DNAH10: variants seen among roughly 807,000 people sequenced by gnomAD.
The protein encoded by DNAH10 is dynein axonemal heavy chain 10, also known as axonemal beta dynein heavy chain 10.
A neutral mutation model predicts 506.6 loss-of-function variants in DNAH10; 348 were observed. That is an observed-to-expected ratio of 0.69 (90% CI 0.63 to 0.75). The LOEUF is 0.75. Ranked by LOEUF, DNAH10 falls within the 30% of genes least tolerant of loss-of-function variation. The pLI is 0.00. For synonymous variants in DNAH10, 2,059 were observed against 2,198.6 expected (o/e 0.94, Z 1.78); for missense variants, 5,179 against 5,787.1 (o/e 0.89, Z 3.41).
chr12:123,855,255 A>G (rs142035789), intron 36 of DNAH10, among the ~76,000 whole-genome samples: 6 of 152,264 alleles, frequency 3.9e-5, no homozygotes, highest in East Asian at 1.9e-4. Context: ...AAGCAGGACT[A>G]CCTGTCCTAG....
chr12:123,820,688 C>T lies in DNAH10; in HGVS notation c.4109C>T (p.Pro1370Leu). 2.5e-6 allele frequency: 4 copies of T among 1,613,956 alleles called. No homozygotes were observed. Among genetic ancestry groups the T allele is most frequent in the Non-Finnish European group, 3.4e-6 (4 of 1,179,882 alleles). ...KLFDLPITMY[P>L]ELLKVQKEMS... ...TTCGATCTTCCTATTACAATGTACC[C>T]AGAGCTGCTGAAAGTGCAGAAGGAA... The change falls in exon 24 of 79, where the codon CCA becomes CTA. Residue 1370 changes from proline to leucine, a missense_variant. Physicochemically the swap from Pro to Leu is moderately conservative, Grantham distance 98. This residue lies in a region of DNAH10 where 4,844 missense variants were observed against 5,430.5 expected (regional missense o/e 0.89). Coordinates refer to ENST00000673944, the MANE Select transcript of DNAH10 (RefSeq NM_001372106.1).
intron 25 of DNAH10, 36 bp from the exon 26 acceptor site, chr12:123,830,510 G>GT: frequency 6.3e-7 from 1 of 1,582,290 alleles, no homozygotes; most frequent in Non-Finnish European, 8.6e-7. Context: ...ACTAAATTCA[G>GT]TAAGCATAAA....
chr12:123,921,795 C>G (rs925302792), intron 65 of DNAH10, among the ~76,000 whole-genome samples: 1 of 140,978 alleles, frequency 7.1e-6, no homozygotes, highest in Non-Finnish European at 1.5e-5. Flanking sequence ...CTCACTGCAA[C>G]CTTCGCCTCC....
chr12:123,853,442 A>G lies in DNAH10; in HGVS notation c.6438+90A>G. On this transcript the variant is annotated intron_variant, in intron 36 of 78. Transcript: ENST00000673944. The surrounding 1 kb of genome is among the most constrained non-coding windows in gnomAD (Gnocchi z 4.7). ...GGGGAGGTGATGGGCACAGTATGGTATCACCTGAAAGGTTTAAGTCTTAGC... is the reference window on the plus strand; with the variant it reads ...GGGGAGGTGATGGGCACAGTATGGTGTCACCTGAAAGGTTTAAGTCTTAGC... 6.9e-7 allele frequency: 1 copy of G among 1,454,506 alleles called. No homozygotes were observed. The highest frequency in any genetic ancestry group is 9.1e-7 in the Non-Finnish European group (1 of 1,095,236). The allele number at this position is 1,454,506 out of a possible 1,614,324, so 90.1% of individuals were successfully genotyped here.
chr12:123,774,081 T>A (rs574322315), intron 4 of DNAH10, 68 bp from the exon 5 acceptor site: 1 of 998,372 alleles, frequency 1.0e-6, no homozygotes, highest in African/African-American at 1.6e-5. Context: ...ATTCCTGTTC[T>A]CTTGGAAATG....
chr12:123,888,531 C>G (rs1952838494), intron 52 of DNAH10, among the ~76,000 whole-genome samples: 1 of 152,126 alleles, frequency 6.6e-6, no homozygotes, highest in Non-Finnish European at 1.5e-5. Context: ...TAAAGATTCC[C>G]ACAAGTCACG....
At chr12:123,895,860 C>T (rs1484679716) in intron 54 of DNAH10, among the ~76,000 whole-genome samples, 1 of 152,102 alleles carries the variant, frequency 6.6e-6, no homozygotes, top group East Asian at 1.9e-4. Flanking sequence ...CACCTGTAAT[C>T]CCAGCACTTT....
At chr12:123,804,374 A>G (rs945067681) in intron 17 of DNAH10, among the ~76,000 whole-genome samples, 1 of 152,018 alleles carries the variant, frequency 6.6e-6, no homozygotes, top group Non-Finnish European at 1.5e-5. Flanking sequence ...AAATACAAAA[A>G]ATTAGCTGGG....
chr12:123,833,290 T>C lies in DNAH10; in HGVS notation c.4722T>C (p.Phe1574=), dbSNP rs781543036. ...CAGGAAGCAGATTTGTGGGGCCTTT[T>C]CTGCAAACTGTTCACAAATGGGAAA... is the stretch of plus-strand genomic sequence containing the variant. ...SISGSRFVGP[F]LQTVHKWEKT... is the part of the protein sequence containing the mutation. Residue 1574 remains phenylalanine, a synonymous_variant, in exon 27 of 79, where the codon TTT becomes TTC. Coordinates refer to ENST00000673944, the MANE Select transcript of DNAH10 (RefSeq NM_001372106.1). 4 of 1,613,878 alleles carry C rather than the reference T, an allele frequency of 2.5e-6. No individual in the cohort carries two copies. Among genetic ancestry groups the C allele is most frequent in the Non-Finnish European group, 3.4e-6 (4 of 1,179,862 alleles).
chr12:123,766,211 CTG>C (rs1957043226), intron 1 of DNAH10, among the ~76,000 whole-genome samples: 1 of 151,734 alleles, frequency 6.6e-6, no homozygotes, highest in Non-Finnish European at 1.5e-5. Flanking sequence ...ACCTACATGT[CTG>C]TTTATCTATC....
At position 123,794,643 on chromosome 12, in the gene DNAH10, T is replaced by C. The variant is rs775845151; in HGVS notation, c.1986+531T>C. Among the ~76,000 whole-genome samples the C allele has an allele frequency of 1.5e-4, 22 of 150,664 alleles. 1 individual carries two copies. Among genetic ancestry groups the C allele is most frequent in the Non-Finnish European group, 3.0e-5 (2 of 67,628 alleles). Reference sequence around the variant, plus strand: ...AGCGGATTGCTTGAGTTCAGGAGTTTGAGACCAGCCTAGGCAACATAGCAA... The same window carrying C: ...AGCGGATTGCTTGAGTTCAGGAGTTCGAGACCAGCCTAGGCAACATAGCAA... On this transcript the variant is annotated intron_variant, in intron 12 of 78. Transcript: ENST00000673944.
intron 24 of DNAH10, among the ~76,000 whole-genome samples, chr12:123,824,856 A>T (rs1407664118): frequency 6.6e-6 from 1 of 151,214 alleles, no homozygotes; most frequent in Non-Finnish European, 1.5e-5. Context: ...CCTCACCCTA[A>T]CTACCTCTGC....
At chr12:123,836,938 C>T (rs1360161844) in intron 28 of DNAH10, among the ~76,000 whole-genome samples, 1 of 146,500 alleles carries the variant, frequency 6.8e-6, no homozygotes, top group Non-Finnish European at 1.5e-5. Flanking sequence ...CTGTAAGCTC[C>T]ACATCCTGGG....
At position 123,851,069 on chromosome 12, in the gene DNAH10, A is replaced by C. The variant is rs1487447427; in HGVS notation, c.6284A>C (p.Glu2095Ala). 1 of 1,600,276 alleles carries C rather than the reference A, an allele frequency of 6.2e-7. No homozygotes were observed. The highest frequency in any genetic ancestry group is 1.3e-5 in the African/African-American group (1 of 74,630). Residue 2095 changes from glutamate to alanine, a missense_variant, in exon 35 of 79, where the codon GAG becomes GCG. By Grantham distance (107) the Glu-to-Ala change is moderately radical. Transcript: ENST00000673944. The stretch of plus-strand genomic sequence containing the variant: ...ATGCTCTTCTCTGAGGGCTTCCTGG[A>C]GGCCAAGGTGGGGGGCCTTGGCAGC... ...EIMLFSEGFL[E>A]AKTLAKKMTV...
intron 51 of DNAH10, among the ~76,000 whole-genome samples, chr12:123,886,137 G>T (rs563272275): frequency 2.0e-5 from 3 of 152,178 alleles, no homozygotes; most frequent in Non-Finnish European, 2.9e-5. Flanking sequence ...ATAGGACAAG[G>T]CATTCCCCAC....
Position 123,787,332 on chromosome 12 carries a change from G to T in DNAH10, c.1422-472G>T, listed in dbSNP as rs559086076. 6.6e-5 allele frequency among the ~76,000 whole-genome samples: 10 copies of T among 151,938 alleles called. No individual in the cohort carries two copies. The highest frequency in any genetic ancestry group is 6.8e-3 in the Middle Eastern group (2 of 294). The stretch of plus-strand genomic sequence containing the variant: ...GGAATCAGACACTATATGACTTTTT[G>T]TTATCTATAGATAGATATCTATATC... On this transcript the variant is annotated intron_variant, in intron 9 of 78. Coordinates refer to ENST00000673944, the MANE Select transcript of DNAH10 (RefSeq NM_001372106.1). The surrounding 1 kb of genome is among the most constrained non-coding windows in gnomAD (Gnocchi z 4.6).
At position 123,897,896 on chromosome 12, in the gene DNAH10, C is replaced by T; in HGVS notation, c.9407C>T (p.Thr3136Ile). 1 of 1,611,260 alleles carries T rather than the reference C, an allele frequency of 6.2e-7. No individual in the cohort carries two copies. The highest frequency in any genetic ancestry group is 1.3e-5 in the African/African-American group (1 of 74,910). The change falls in exon 55 of 79, where the codon ACT becomes ATT. Residue 3136 changes from threonine (T) to isoleucine (I), a missense_variant. This residue lies in a region of DNAH10 where 4,844 missense variants were observed against 5,430.5 expected (regional missense o/e 0.89). Coordinates refer to ENST00000673944, the MANE Select transcript of DNAH10 (RefSeq NM_001372106.1). The part of the protein sequence containing the change: ...LQKLRRSNYV[T>I]PKNYLDFINT... Reference sequence around the variant, plus strand: ...AAATTGAGGCGCAGCAACTATGTCACTCCCAAGAACTACCTTGATTTTATT... The same window carrying T: ...AAATTGAGGCGCAGCAACTATGTCATTCCCAAGAACTACCTTGATTTTATT...
At chr12:123,898,627 T>C (rs763570475) in intron 55 of DNAH10, 26 bp from the exon 56 acceptor site, 7 of 1,485,330 alleles carry the variant, frequency 4.7e-6, no homozygotes, top group Non-Finnish European at 6.3e-6. Context: ...ACCTCGACGA[T>C]GAACATAGGT....
At chr12:123,772,545 G>A (rs1009224351) in intron 3 of DNAH10, among the ~76,000 whole-genome samples, 5 of 152,138 alleles carry the variant, frequency 3.3e-5, no homozygotes, top group Non-Finnish European at 5.9e-5. Flanking sequence ...TCATAAGTAC[G>A]TCCCATCTGC....
Sources: allele counts gnomAD v4.1 joint callset (sites outside exome capture counted in the v4.1 genomes callset), GRCh38; gene constraint gnomAD v4.1.1; regional missense constraint gnomAD v4.1.1; non-coding constraint Gnocchi (gnomAD v3.1); transcripts MANE v1.5; gene names NCBI Gene and HGNC (gene_info 2026-07-23, HGNC 2026-07-21).